The following REV3L variants were observed in gnomAD, a reference collection of about 807,000 sequenced individuals.
REV3L encodes the protein REV3 like, DNA directed polymerase zeta catalytic subunit.
Under a neutral mutation model 299.4 loss-of-function variants are expected in REV3L, and 69 were observed. The observed-to-expected ratio is 0.23, with a 90% CI of 0.19 to 0.28. The LOEUF (loss-of-function observed/expected upper bound fraction) is 0.28, where lower values mean the gene tolerates loss of function less well. REV3L is among the 10% of genes least tolerant of loss of function. The pLI is 1.00. For synonymous variants in REV3L, 1,238 were observed against 1,271.4 expected (o/e 0.97, Z 0.56); for missense variants, 3,128 against 3,693.8 (o/e 0.85, Z 3.97).
At chr6:111,332,408 T>C (rs192890627) in intron 23 of REV3L, among the ~76,000 whole-genome samples, 2 of 152,322 alleles carry the variant, frequency 1.3e-5, no homozygotes, top group Non-Finnish European at 2.9e-5. Context: ...TAAAAATTTA[T>C]TTTAACATCC....
At chr6:111,462,282 T>G (rs560081819) in intron 1 of REV3L, among the ~76,000 whole-genome samples, 10 of 152,158 alleles carry the variant, frequency 6.6e-5, no homozygotes, top group Non-Finnish European at 1.3e-4. Context: ...CTTCAGTTTT[T>G]GACATGATAT....
rs746064750 is a variant in REV3L at position 111,313,500 on chromosome 6, AT to A, written c.8467-12del. 5.0e-6 allele frequency: 8 copies of A among 1,590,224 alleles called. No individual in the cohort carries two copies. The highest frequency in any genetic ancestry group is 6.8e-6 in the Non-Finnish European group (8 of 1,171,690). ...ACAGGGCAAATATACCTGTGGTAAA[AT>A]TAATAAAATGCCTCTTAAAAACCAT... On this transcript the variant is annotated splice_polypyrimidine_tract_variant and intron_variant, in intron 27 of 31. Transcript: ENST00000368802.
In REV3L at chr6:111,385,822, CAG is replaced by C. The variant is rs1357353877; in HGVS notation, c.1096+1941_1096+1942del. Among the ~76,000 whole-genome samples, 3 of 151,958 alleles carry C rather than the reference CAG, an allele frequency of 2.0e-5. No homozygotes were observed. In the East Asian group the frequency reaches 5.8e-4, roughly 29 times the overall value. Reference sequence around the variant, plus strand: ...ATAAGCACAAAATGTAATTCACAAACAGAGAAACCCAAATGGCCTTTAAAGAT... The same window carrying C: ...ATAAGCACAAAATGTAATTCACAAACAGAAACCCAAATGGCCTTTAAAGAT... On this transcript the variant is annotated intron_variant, in intron 9 of 31. Coordinates refer to ENST00000368802, the MANE Select transcript of REV3L (RefSeq NM_001372078.1).
intron 1 of REV3L, chr6:111,430,483 C>A: frequency 6.5e-7 from 1 of 1,547,238 alleles, no homozygotes; most frequent in Non-Finnish European, 8.9e-7. Flanking sequence ...TATTATAAAG[C>A]TGCAAAGAAG....
At chr6:111,356,893 C>A in intron 18 of REV3L, 121 bp downstream of exon 18, 1 of 449,278 alleles carries the variant, frequency 2.2e-6, no homozygotes, top group East Asian at 3.5e-5. Context: ...ACTCTGCTTT[C>A]AAGGGTCATA....
chr6:111,320,476 T>C (rs982217744), intron 26 of REV3L, among the ~76,000 whole-genome samples: 1 of 152,218 alleles, frequency 6.6e-6, no homozygotes, highest in South Asian at 2.1e-4. Flanking sequence ...ATTTAAATTA[T>C]ATTTAACAAG....
chr6:111,368,414 A>C (rs1300753646), intron 13 of REV3L, among the ~76,000 whole-genome samples: 1 of 152,230 alleles, frequency 6.6e-6, no homozygotes, highest in Non-Finnish European at 1.5e-5. Context: ...TTTATCATTC[A>C]AATACTATGT....
Position 111,482,915 on chromosome 6 carries a change from T to C in REV3L, c.-27A>G. 6.7e-7 allele frequency: 1 copy of C among 1,500,004 alleles called. No homozygotes were observed. Among genetic ancestry groups the C allele is most frequent in the Non-Finnish European group, 8.8e-7 (1 of 1,135,074 alleles). 92.9% of individuals were successfully genotyped at this position (1,500,004 alleles called of 1,614,324 possible). A position where few individuals can be genotyped will look rare whatever the true frequency, so the allele number is the denominator to read the frequency against. ...TTCGCCGCCGCCGCCACTGCCTCCC[T>C]TCACTGGCGACCCGGCAGCGGCAGC... On this transcript the variant is annotated 5_prime_UTR_variant, in exon 1 of 32. Transcript: ENST00000368802.
intron 1 of REV3L, among the ~76,000 whole-genome samples, chr6:111,428,680 A>G (rs1786480966): frequency 6.6e-6 from 1 of 152,118 alleles, no homozygotes; most frequent in African/African-American, 2.4e-5. Context: ...TGAGGAGAAA[A>G]AAGAAAAAAA....
At chr6:111,431,182 GATT>G (rs1326146351) in intron 1 of REV3L, 4 of 1,564,412 alleles carry the variant, frequency 2.6e-6, no homozygotes, top group Non-Finnish European at 3.5e-6. Flanking sequence ...CACGTGCCAA[GATT>G]ATCCATCTGT....
intron 4 of REV3L, among the ~76,000 whole-genome samples, chr6:111,394,723 T>G (rs963924085): frequency 8.6e-5 from 13 of 151,566 alleles, no homozygotes; most frequent in African/African-American, 3.1e-4. Flanking sequence ...TTTTTTTTTT[T>G]GAGACAGGGT....
At position 111,390,091 on chromosome 6, in the gene REV3L, A is replaced by G; in HGVS notation, c.752T>C (p.Ile251Thr). The change falls in exon 6 of 32, where the codon ATT becomes ACT. Residue 251 changes from isoleucine to threonine, a missense_variant. Around this residue, in one of 9 missense-constraint regions of REV3L, gnomAD observed 2,409 missense variants for 2,611.8 expected, o/e 0.92. Coordinates refer to ENST00000368802, the MANE Select transcript of REV3L (RefSeq NM_001372078.1). The stretch of plus-strand genomic sequence containing the variant: ...AAGAATAATTGTGTATGAACCTTCA[A>G]TGTCCAGACGATTTAAGATATCAGC... ...VAADILNRLD[I>T]EAQIGGNPGL... The G allele has an allele frequency of 1.3e-6, 2 of 1,597,528 alleles. No homozygotes were observed. Among genetic ancestry groups the G allele is most frequent in the Non-Finnish European group, 1.7e-6 (2 of 1,165,230 alleles).
intron 4 of REV3L, among the ~76,000 whole-genome samples, chr6:111,396,135 T>A (rs947756951): frequency 9.9e-5 from 15 of 152,068 alleles, no homozygotes; most frequent in African/African-American, 3.4e-4. Context: ...CAAGCCATCC[T>A]CCTACCTAAG....
chr6:111,335,357 ATTGATTAGTTGGTACCAAACAGAAAGTT>A, intron 22 of REV3L, 84 bp downstream of exon 22: 1 of 1,152,286 alleles, frequency 8.7e-7, no homozygotes, highest in Non-Finnish European at 1.2e-6. Context: ...TTACCCAGCT[ATTGATTAGTTGGTACCAAACAGAAAGTT>A]TAAAAAGTCA....
intron 1 of REV3L, among the ~76,000 whole-genome samples, chr6:111,428,186 G>A (rs1040336475): frequency 6.6e-6 from 1 of 151,934 alleles, no homozygotes; most frequent in Admixed American, 6.6e-5. Flanking sequence ...AGAAAACAGG[G>A]AACCATGACC....
At position 111,373,941 on chromosome 6, in the gene REV3L, A is replaced by T. The variant is rs930149559; in HGVS notation, c.4414T>A (p.Trp1472Arg). 1 of 1,613,964 alleles carries T rather than the reference A, an allele frequency of 6.2e-7. No individual in the cohort carries two copies. The highest frequency in any genetic ancestry group is 1.3e-5 in the African/African-American group (1 of 74,906). ...SLRSPIKQIAWEQKQRGFILD... is the reference protein window; with the variant it reads ...SLRSPIKQIAREQKQRGFILD... ...ATAAAGCCCCTTTGCTTTTGCTCCC[A>T]TGCTATTTGTTTGATTGGACTTCTC... Residue 1472 changes from tryptophan (W) to arginine (R), a missense_variant, in exon 13 of 32, where the codon TGG (tryptophan) becomes AGG (arginine). Physicochemically the swap from Trp to Arg is moderately radical, Grantham distance 101. This residue lies in a region of REV3L where 2,409 missense variants were observed against 2,611.8 expected (regional missense o/e 0.92). Transcript: ENST00000368802.
In REV3L at chr6:111,307,383, C is replaced by A. The variant is rs201740580; in HGVS notation, c.9230G>T (p.Arg3077Leu). 1.9e-6 allele frequency: 3 copies of A among 1,613,986 alleles called. No individual in the cohort carries two copies. Among genetic ancestry groups the A allele is most frequent in the Non-Finnish European group, 2.5e-6 (3 of 1,179,984 alleles). ...ILNQEIRELE[R>L]QQEQLVKICK... ...TACCTTTACAAGTTGCTCCTGTTGA[C>A]GTTCCAACTCCCGGATTTCTTGGTT... The change falls in exon 31 of 32, where the codon CGT (arginine) becomes CTT (leucine). Residue 3077 changes from arginine to leucine, a missense_variant. Arg to Leu is a moderately radical substitution (Grantham distance 102). This residue lies in a region of REV3L where 294 missense variants were observed against 377.0 expected (regional missense o/e 0.78). Coordinates refer to ENST00000368802, the MANE Select transcript of REV3L (RefSeq NM_001372078.1).
rs1786731436 is a variant in REV3L at position 111,430,250 on chromosome 6, A to T, written c.140-13778T>A. 4 of 910,942 alleles carry T rather than the reference A, an allele frequency of 4.4e-6. No individual in the cohort carries two copies. In the South Asian group the frequency reaches 5.2e-5, roughly 12 times the overall value. The allele number at this position is 910,942 out of a possible 1,614,324, so 56.4% of individuals were successfully genotyped here. ...TACCCCACCCCTTCAAGAAGCTTTG[A>T]ATCAACTGGCGAGACAATTGCAGAG... On this transcript the variant is annotated intron_variant, in intron 1 of 31. Transcript: ENST00000368802.
At chr6:111,341,756 T>TGG (rs3840376) in intron 21 of REV3L, among the ~76,000 whole-genome samples, 46 of 150,856 alleles carry the variant, frequency 3.0e-4, no homozygotes, top group South Asian at 8.4e-4. Flanking sequence ...TGGCAGGAGT[T>TGG]GGGGGGGGTC....
Sources: allele counts gnomAD v4.1 joint callset (sites outside exome capture counted in the v4.1 genomes callset), GRCh38; gene constraint gnomAD v4.1.1; regional missense constraint gnomAD v4.1.1; transcripts MANE v1.5; gene names NCBI Gene and HGNC (gene_info 2026-07-23, HGNC 2026-07-21).